The following PCDH11X variants were observed in gnomAD, a reference collection of about 807,000 sequenced individuals.
The protein encoded by PCDH11X is protocadherin 11 X-linked.
In PCDH11X, 18 loss-of-function variants were observed where a neutral mutation model predicts 53.3. The ratio of observed to expected loss-of-function variants is 0.34; its 90% CI spans 0.23 to 0.50. The LOEUF (loss-of-function observed/expected upper bound fraction) is 0.50. Ranked by LOEUF, PCDH11X falls within the 20% of genes least tolerant of loss-of-function variation. PCDH11X has a pLI of 0.98. For missense variants in PCDH11X, 570 were observed against 1,032.4 expected (o/e 0.55, Z 6.14); for synonymous variants, 279 against 393.3 (o/e 0.71, Z 3.44).
At chrX:92,062,077 C>A (rs895032570) in intron 6 of PCDH11X, among the ~76,000 whole-genome samples, 2 of 110,415 alleles carry the variant, frequency 1.8e-5, no homozygotes, top group Non-Finnish European at 3.8e-5. Flanking sequence ...CTTTTTATGC[C>A]TATTATAAAT....
chrX:92,480,594 A>C (rs1420520969), intron 10 of PCDH11X, among the ~76,000 whole-genome samples: 30 of 109,585 alleles, frequency 2.7e-4, no homozygotes, highest in African/African-American at 1.0e-3. Flanking sequence ...AACTGGCTTC[A>C]TTTCTGGAAG....
intron 10 of PCDH11X, among the ~76,000 whole-genome samples, chrX:92,524,523 C>T (rs2074417429): frequency 9.7e-6 from 1 of 102,950 alleles, no homozygotes; most frequent in Non-Finnish European, 2.0e-5. Context: ...TTGATATCTA[C>T]TGCCCATAGC....
chrX:92,577,996 A>T (rs1180673522), intron 10 of PCDH11X, among the ~76,000 whole-genome samples: 1 of 108,864 alleles, frequency 9.2e-6, no homozygotes, highest in African/African-American at 3.4e-5. Flanking sequence ...GTGGCAAAGA[A>T]TGCATATTCT....
chrX:91,925,546 C>T (rs1419605954), intron 6 of PCDH11X, among the ~76,000 whole-genome samples: 1 of 110,989 alleles, frequency 9.0e-6, no homozygotes, highest in Non-Finnish European at 1.9e-5. Flanking sequence ...CCCTATCTCA[C>T]TAAAGTCATT....
chrX:92,572,794 G>A (rs182859164), intron 10 of PCDH11X, among the ~76,000 whole-genome samples: 2 of 97,171 alleles, frequency 2.1e-5, no homozygotes, highest in Non-Finnish European at 4.2e-5. Context: ...TGAGGCAAGA[G>A]AATCCCTTGA....
chrX:91,841,507 A>G (rs1431352895), intron 5 of PCDH11X, among the ~76,000 whole-genome samples: 4 of 111,743 alleles, frequency 3.6e-5, no homozygotes, highest in Non-Finnish European at 5.7e-5. Flanking sequence ...TTAGATACAG[A>G]TGTATTGATC....
intron 5 of PCDH11X, among the ~76,000 whole-genome samples, chrX:91,875,855 A>AT (rs920035654): frequency 3.7e-4 from 41 of 109,439 alleles, no homozygotes; most frequent in African/African-American, 1.3e-3. Flanking sequence ...CAGTTTGTGT[A>AT]TTTTTTTTCC....
At chrX:92,078,531 G>T (rs1291318632) in intron 6 of PCDH11X, among the ~76,000 whole-genome samples, 1 of 110,744 alleles carries the variant, frequency 9.0e-6, no homozygotes, top group East Asian at 2.8e-4. Context: ...AGGATTTTTG[G>T]CAGAATGAGG....
At chrX:92,301,736 T>TTTTTTTTTTTTTTTTTTTTTGAGAGG (rs2068727982) in intron 8 of PCDH11X, among the ~76,000 whole-genome samples, 1 of 110,220 alleles carries the variant, frequency 9.1e-6, no homozygotes, top group African/African-American at 3.4e-5. Flanking sequence ...TTCCTTTTCT[T>TTTTTTTTTTTTTTTTTTTTTGAGAGG]GTGTTGTCTT....
intron 4 of PCDH11X, among the ~76,000 whole-genome samples, chrX:91,822,227 TG>T (rs2147586564): frequency 9.1e-6 from 1 of 109,446 alleles, no homozygotes; most frequent in Admixed American, 9.6e-5. Context: ...CTCTATTGAT[TG>T]GAATAGTTTC....
At chrX:91,819,952 G>C (rs866512335) in intron 4 of PCDH11X, among the ~76,000 whole-genome samples, 1 of 98,892 alleles carries the variant, frequency 1.0e-5, no homozygotes, top group Non-Finnish European at 2.0e-5. Flanking sequence ...ATAGTTTACT[G>C]AGAATGATGA....
intron 9 of PCDH11X, among the ~76,000 whole-genome samples, chrX:92,389,414 T>C (rs1217816863): frequency 1.8e-5 from 2 of 111,662 alleles, no homozygotes; most frequent in Non-Finnish European, 3.8e-5. Flanking sequence ...TAGTTGTAGG[T>C]CTATCATGCC....
intron 9 of PCDH11X, among the ~76,000 whole-genome samples, chrX:92,463,994 C>T (rs1603336672): frequency 3.6e-5 from 4 of 111,468 alleles, no homozygotes; most frequent in Middle Eastern, 4.7e-3. Context: ...GAAAATGTTT[C>T]GATTCCTAAG....
In PCDH11X at chrX:92,472,322, C is replaced by A. The variant is rs2750757; in HGVS notation, c.3367+4000C>A. Among the ~76,000 whole-genome samples the A allele has an allele frequency of 3.7e-5, 4 of 107,618 alleles. No homozygotes were observed. The East Asian group carries it at 8.7e-4, about 23-fold the overall frequency. 93.5% of individuals were successfully genotyped at this position (107,618 alleles called of 115,157 possible). On this transcript the variant is annotated intron_variant, in intron 10 of 10. Coordinates refer to ENST00000682573, the MANE Select transcript of PCDH11X (RefSeq NM_032968.5). ...GTCCAGTTTCAATCTTCTGCATATG[C>A]CAGTTATGTCAACACCATTTATTGA...
chrX:92,173,987 A>C (rs1603107464), intron 6 of PCDH11X, among the ~76,000 whole-genome samples: 2 of 7,949 alleles, frequency 2.5e-4, no homozygotes, highest in African/African-American at 4.5e-4. Flanking sequence ...CCAGTCTCAA[A>C]AAAAAAAAAA....
intron 6 of PCDH11X, among the ~76,000 whole-genome samples, chrX:92,036,337 C>T (rs2063125300): frequency 9.2e-6 from 1 of 109,248 alleles, no homozygotes; most frequent in Admixed American, 9.9e-5. Flanking sequence ...ACCAAAACCT[C>T]ATCTTGAATT....
chrX:91,989,639 G>A (rs2062288299), intron 6 of PCDH11X, among the ~76,000 whole-genome samples: 1 of 109,470 alleles, frequency 9.1e-6, no homozygotes, highest in Admixed American at 9.7e-5. Context: ...AAGCCCATGT[G>A]GGAGGTAGTG....
chrX:92,576,979 G>A (rs35460340), intron 10 of PCDH11X, among the ~76,000 whole-genome samples: 3 of 110,071 alleles, frequency 2.7e-5, no homozygotes, highest in Non-Finnish European at 5.7e-5. Context: ...ATTTCCTGTA[G>A]CATTTCTTGC....
intron 9 of PCDH11X, 128 bp from the exon 10 acceptor site, chrX:92,468,171 T>A: frequency 1.1e-6 from 1 of 901,515 alleles, no homozygotes; most frequent in Non-Finnish European, 1.5e-6. Context: ...ATCACATTCT[T>A]TGTAAAGTGA....
Sources: allele counts gnomAD v4.1 joint callset (sites outside exome capture counted in the v4.1 genomes callset), GRCh38; gene constraint gnomAD v4.1.1; transcripts MANE v1.5; gene names NCBI Gene and HGNC (gene_info 2026-07-23, HGNC 2026-07-21).